PLD1: variants seen among roughly 807,000 people sequenced by gnomAD.
The protein encoded by PLD1 is choline phosphatase 1.
A neutral mutation model predicts 137.1 loss-of-function variants in PLD1; 112 were observed. The observed-to-expected ratio is 0.82, with a 90% CI of 0.70 to 0.96. The LOEUF (loss-of-function observed/expected upper bound fraction) is 0.96. Ranked by LOEUF, PLD1 falls within the 40% of genes least tolerant of loss-of-function variation. PLD1 has a pLI of 0.00. For synonymous variants in PLD1, 431 were observed against 454.7 expected, an observed-to-expected ratio of 0.95 and a Z score of 0.66; for missense variants, 1,321 against 1,342.0, an observed-to-expected ratio of 0.98 and a Z score of 0.24.
chr3:171,676,731 C>T lies in PLD1; in HGVS notation c.2099G>A (p.Arg700His), dbSNP rs779685238. The stretch of plus-strand genomic sequence containing the variant: ...TCCAAGTACTTTTGTGAAGTTCCAG[C>T]GCTGGATGAAGTGACGTGCCACATC... ...ARDVARHFIQRWNFTKIMKSK... is the reference protein window; with the variant it reads ...ARDVARHFIQHWNFTKIMKSK... Residue 700 changes from arginine (R) to histidine (H), a missense_variant, in exon 18 of 27, where the codon CGC becomes CAC. By Grantham distance (29) the Arg-to-His change is conservative. Coordinates refer to ENST00000351298, the MANE Select transcript of PLD1 (RefSeq NM_002662.5). The T allele has an allele frequency of 1.1e-5, 17 of 1,613,332 alleles. No homozygotes were observed. The highest frequency in any genetic ancestry group is 1.7e-5 in the Admixed American group (1 of 59,992).
At chr3:171,796,359 C>T (rs1350766601) in intron 1 of PLD1, among the ~76,000 whole-genome samples, 1 of 152,158 alleles carries the variant, frequency 6.6e-6, no homozygotes, top group African/African-American at 2.4e-5. Context: ...GGTTGATATT[C>T]ATAGTTTATA....
chr3:171,777,651 T>A (rs1722634901), intron 1 of PLD1, among the ~76,000 whole-genome samples: 1 of 152,226 alleles, frequency 6.6e-6, no homozygotes, highest in Non-Finnish European at 1.5e-5. Flanking sequence ...TAGTTCTTCC[T>A]TCCTTTTGAG....
intron 6 of PLD1, among the ~76,000 whole-genome samples, chr3:171,730,312 C>T (rs1718836625): frequency 6.6e-6 from 1 of 151,476 alleles, no homozygotes; most frequent in Non-Finnish European, 1.5e-5. Flanking sequence ...CCCCATTTTA[C>T]AAATGAGCAA....
chr3:171,702,381 G>A (rs1309473407), intron 11 of PLD1, among the ~76,000 whole-genome samples: 1 of 151,724 alleles, frequency 6.6e-6, no homozygotes, highest in African/African-American at 2.4e-5. Flanking sequence ...CCAGCTACTC[G>A]GGGGGCTGAG....
intron 1 of PLD1, among the ~76,000 whole-genome samples, chr3:171,745,598 G>A (rs1302040271): frequency 2.0e-5 from 3 of 152,238 alleles, no homozygotes; most frequent in Admixed American, 2.0e-4. Flanking sequence ...GGCACATCCA[G>A]ATGTTTTTGG....
At chr3:171,630,162 T>G (rs705025) in intron 23 of PLD1, among the ~76,000 whole-genome samples, 35 of 147,828 alleles carry the variant, frequency 2.4e-4, no homozygotes, top group Admixed American at 6.7e-4. Context: ...CAAACAAATT[T>G]ACAAGAAAAA....
chr3:171,708,836 T>C lies in PLD1; in HGVS notation c.1064A>G (p.Tyr355Cys), dbSNP rs759751091. 3.9e-6 allele frequency: 6 copies of C among 1,542,616 alleles called. No individual in the cohort carries two copies. The highest frequency in any genetic ancestry group is 2.2e-5 in the East Asian group (1 of 44,550). ...TTCAAAATATCCTTTGGCATTAACA[T>C]ACCTGAAAGACAAGTTTATTGTTCC... Reference protein sequence around the residue: ...AIQENALAKWYVNAKGYFEDV... With the variant: ...AIQENALAKWCVNAKGYFEDV... Residue 355 changes from tyrosine (Y) to cysteine (C), a missense_variant and splice_region_variant, in exon 11 of 27, where the codon TAT (tyrosine) becomes TGT (cysteine). Transcript: ENST00000351298.
intron 1 of PLD1, among the ~76,000 whole-genome samples, chr3:171,763,975 A>G (rs943820612): frequency 1.1e-4 from 17 of 151,614 alleles, no homozygotes; most frequent in Admixed American, 1.1e-3. Flanking sequence ...ATTAGCGTTT[A>G]GTTTTTACCA....
rs1034178213 is a variant in PLD1 at position 171,683,873 on chromosome 3, A to T, written c.1867+2812T>A. ...TTAAATAAATAAATCTTCTATGTTT[A>T]TTTTTGTATCCCCAACTACAGTTGT... On this transcript the variant is annotated intron_variant, in intron 16 of 26. Coordinates refer to ENST00000351298, the MANE Select transcript of PLD1 (RefSeq NM_002662.5). Among the ~76,000 whole-genome samples the T allele has an allele frequency of 1.1e-4, 17 of 152,316 alleles. No homozygotes were observed. The South Asian group carries it at 3.3e-3, about 30-fold the overall frequency.
At chr3:171,751,177 C>T (rs1285459073) in intron 1 of PLD1, among the ~76,000 whole-genome samples, 1 of 152,038 alleles carries the variant, frequency 6.6e-6, no homozygotes, top group Non-Finnish European at 1.5e-5. Context: ...TATTATAGTC[C>T]CAAATATGAA....
intron 21 of PLD1, 81 bp from the exon 22 acceptor site, chr3:171,645,104 TG>T (rs756459603): frequency 1.1e-6 from 1 of 902,708 alleles, no homozygotes; most frequent in Non-Finnish European, 1.9e-6. Flanking sequence ...GCAGTTCACA[TG>T]GTTTTTGAGA....
chr3:171,634,166 T>A (rs537011134), intron 23 of PLD1, among the ~76,000 whole-genome samples: 1 of 152,334 alleles, frequency 6.6e-6, no homozygotes, highest in Non-Finnish European at 1.5e-5. Context: ...TTATTTTGAC[T>A]GTTCCCAAGG....
rs139037413 is a variant in PLD1, at chr3:171,638,828, G to A, written c.2593+4012C>T. Among the ~76,000 whole-genome samples, 28 of 152,226 alleles carry A rather than the reference G, an allele frequency of 1.8e-4. No individual in the cohort carries two copies. In the East Asian group the frequency reaches 4.2e-3, roughly 23 times the overall value. The stretch of plus-strand genomic sequence containing the variant: ...CTGGATGAGATTAGCATTTGAATTC[G>A]TGGATTCACTAAAGTAGATTGCCCT... On this transcript the variant is annotated intron_variant, in intron 23 of 26. Coordinates refer to ENST00000351298, the MANE Select transcript of PLD1 (RefSeq NM_002662.5).
At chr3:171,772,086 A>T (rs1056214236) in intron 1 of PLD1, among the ~76,000 whole-genome samples, 1 of 152,252 alleles carries the variant, frequency 6.6e-6, no homozygotes, top group African/African-American at 2.4e-5. Context: ...TAGTCAATCA[A>T]TTCCTTAAAG....
At chr3:171,720,485 A>G (rs374870562) in intron 8 of PLD1, among the ~76,000 whole-genome samples, 3 of 151,816 alleles carry the variant, frequency 2.0e-5, no homozygotes, top group South Asian at 4.2e-4. Context: ...GGAGAGCCTG[A>G]GGCAGGAGAA....
At chr3:171,789,850 T>G (rs956225790) in intron 1 of PLD1, 2 of 152,226 alleles carry the variant, frequency 1.3e-5, no homozygotes, top group African/African-American at 4.8e-5. Context: ...CCTATGTCTC[T>G]CTCTTCATGA....
At chr3:171,729,765 A>G (rs897223653) in intron 6 of PLD1, among the ~76,000 whole-genome samples, 2 of 152,248 alleles carry the variant, frequency 1.3e-5, no homozygotes, top group African/African-American at 4.8e-5. Context: ...GCAGCTGTTC[A>G]AATTAGTATA....
chr3:171,617,971 T>C (rs1455918035), intron 24 of PLD1, among the ~76,000 whole-genome samples: 1 of 152,186 alleles, frequency 6.6e-6, no homozygotes, highest in Non-Finnish European at 1.5e-5. Context: ...CACTGTTTTC[T>C]GTGTTAGGAA....
intron 10 of PLD1, 164 bp from the exon 11 acceptor site, chr3:171,709,002 T>A: frequency 1.7e-6 from 1 of 582,234 alleles, no homozygotes. Flanking sequence ...AAATACCAAG[T>A]TTCCTCTGCT....
Sources: allele counts gnomAD v4.1 joint callset (sites outside exome capture counted in the v4.1 genomes callset), GRCh38; gene constraint gnomAD v4.1.1; transcripts MANE v1.5; gene names NCBI Gene and HGNC (gene_info 2026-07-23, HGNC 2026-07-21).